The following ATM variants were observed in gnomAD, a reference collection of about 807,000 sequenced individuals.
ATM encodes serine-protein kinase ATM.
In ATM, 308 loss-of-function variants were observed where a neutral mutation model predicts 387.0. The observed-to-expected ratio is 0.80, with a 90% confidence interval of 0.73 to 0.87. ATM has a LOEUF of 0.87. Among genes scored for constraint, ATM ranks in the 40% least tolerant of loss-of-function variants. The probability of loss-of-function intolerance (pLI) is 0.00; values close to 1 mark genes in which losing one functional copy is unlikely to be tolerated. For missense variants in ATM, 3,312 were observed against 3,560.9 expected (o/e 0.93, Z 1.78); for synonymous variants, 1,156 against 1,187.3 (o/e 0.97, Z 0.54).
At chr11:108,299,122 C>A (rs146410741) in intron 33 of ATM, among the ~76,000 whole-genome samples, 4 of 152,226 alleles carry the variant, frequency 2.6e-5, no homozygotes, top group Admixed American at 1.3e-4. Context: ...TAAATACCAT[C>A]ATGATGGAAA....
At position 108,336,181 on chromosome 11, in the gene ATM, T is replaced by C. The variant is rs560309780; in HGVS notation, c.8268+220T>C. On this transcript the variant is annotated intron_variant, in intron 56 of 62. Transcript: ENST00000675843. ...AGCCAGAGATGATGGCATGTGCTTG[T>C]AGTCCCTTAGCTACATGGGAGGCTG... is the stretch of plus-strand genomic sequence containing the variant. The C allele has an allele frequency of 2.5e-4, 116 of 455,252 alleles. 1 individual carries two copies. The highest frequency in any genetic ancestry group is 2.4e-3 in the South Asian group (115 of 46,990). The allele number at this position is 455,252 out of a possible 1,614,324, so 28.2% of individuals were successfully genotyped here.
At chr11:108,282,665 A>G in intron 24 of ATM, 45 bp from the exon 25 acceptor site, 1 of 1,563,110 alleles carries the variant, frequency 6.4e-7, no homozygotes. Context: ...TAAATGATTT[A>G]TTTTTTTCAT....
rs56256497 is a variant in ATM, at chr11:108,333,973, T to A, written c.8010+5T>A. On this transcript the variant is annotated splice_donor_5th_base_variant and intron_variant, in intron 54 of 62. Transcript: ENST00000675843. ...GTCCCTACTATGGAAATTAAGGTAA[T>A]TTGCAATTAACTCTTGATTTTTTTT... The A allele has an allele frequency of 2.5e-6, 4 of 1,593,528 alleles. No homozygotes were observed. In the African/African-American group the frequency reaches 4.0e-5, roughly 16 times the overall value.
chr11:108,327,831 A>C, intron 48 of ATM, 73 bp downstream of exon 48: 1 of 1,141,218 alleles, frequency 8.8e-7, no homozygotes, highest in Non-Finnish European at 1.3e-6. Flanking sequence ...CAAGATCAAT[A>C]TATTTCCAAA....
At chr11:108,275,012 C>T (rs547370839) in intron 22 of ATM, among the ~76,000 whole-genome samples, 6 of 152,150 alleles carry the variant, frequency 3.9e-5, no homozygotes, top group South Asian at 2.1e-4. Context: ...TAAGTCTCTT[C>T]GTAGGTCTAA....
intron 61 of ATM, among the ~76,000 whole-genome samples, chr11:108,357,055 C>T (rs1030541950): frequency 2.0e-5 from 3 of 152,232 alleles, no homozygotes; most frequent in Admixed American, 1.3e-4. Flanking sequence ...CACTAGGGAG[C>T]GCCAGACAGT....
At chr11:108,245,653 A>G in intron 7 of ATM, among the ~76,000 whole-genome samples, 1 of 152,000 alleles carries the variant, frequency 6.6e-6, no homozygotes, top group South Asian at 2.1e-4. Context: ...TTCTGTAGTT[A>G]GGAACTTTAT....
rs369642243 is a variant in ATM at position 108,253,997 on chromosome 11, T to C, written c.2082T>C (p.Leu694=). The C allele has an allele frequency of 1.2e-5, 20 of 1,614,002 alleles. No homozygotes were observed. In the Admixed American group the frequency reaches 1.3e-4, roughly 11 times the overall value. ...TCAAGGAATCACTGGATCGCTGTCT[T>C]CTGGGATTATCAGAACAGCTTCTGA... ...QNLKESLDRC[L]LGLSEQLLNN... is the part of the protein sequence containing the mutation. The change falls in exon 13 of 63, where the codon CTT becomes CTC. Residue 694 remains leucine, a synonymous_variant. Coordinates refer to ENST00000675843, the MANE Select transcript of ATM (RefSeq NM_000051.4).
At chr11:108,267,037 C>G in intron 16 of ATM, 134 bp from the exon 17 acceptor site, 1 of 829,304 alleles carries the variant, frequency 1.2e-6, no homozygotes, top group Non-Finnish European at 2.0e-6. Flanking sequence ...CTCAGGTGAT[C>G]CACCTGGCTC....
At position 108,365,711 on chromosome 11, in the gene ATM, T is replaced by G. The variant is rs2091275853; in HGVS notation, c.*203T>G. On this transcript the variant is annotated 3_prime_UTR_variant, in exon 63 of 63. Coordinates refer to ENST00000675843, the MANE Select transcript of ATM (RefSeq NM_000051.4). ...TTAAGGAACATCTCTGCTTTCACTC[T>G]TTAGAAATAATGGTCATTCGGGCTG... The G allele has an allele frequency of 5.8e-6, 4 of 695,642 alleles. No individual in the cohort carries two copies. Among genetic ancestry groups the G allele is most frequent in the Non-Finnish European group, 9.3e-6 (4 of 430,504 alleles). 43.1% of individuals were successfully genotyped at this position (695,642 alleles called of 1,614,324 possible).
chr11:108,354,338 A>G (rs2089617874), intron 60 of ATM, among the ~76,000 whole-genome samples: 1 of 151,996 alleles, frequency 6.6e-6, no homozygotes, highest in Non-Finnish European at 1.5e-5. Context: ...AATGATCCAA[A>G]CTACTATTGG....
Position 108,331,781 on chromosome 11 carries a change from T to C in ATM, c.7630-98T>C, listed in dbSNP as rs2086270247. On this transcript the variant is annotated intron_variant, in intron 51 of 62. Transcript: ENST00000675843. ...CATACACGCTCTACCCACTGCAGTA[T>C]CTAGACAGTAATACACATTTTAATG... is the stretch of plus-strand genomic sequence containing the variant. The C allele has an allele frequency of 3.5e-6, 5 of 1,421,082 alleles. No individual in the cohort carries two copies. In the East Asian group the frequency reaches 1.2e-4, roughly 35 times the overall value. The allele number at this position is 1,421,082 out of a possible 1,614,324, so 88.0% of individuals were successfully genotyped here.
chr11:108,292,834 A>G, intron 30 of ATM, 41 bp downstream of exon 30: 1 of 1,596,032 alleles, frequency 6.3e-7, no homozygotes, highest in Non-Finnish European at 8.6e-7. Context: ...TTTAAAATAT[A>G]TAAAGTATTG....
intron 61 of ATM, among the ~76,000 whole-genome samples, chr11:108,363,964 T>G (rs1488479058): frequency 6.6e-6 from 1 of 152,214 alleles, no homozygotes; most frequent in African/African-American, 2.4e-5. Context: ...TTTGGATCTC[T>G]GAAATCTAAA....
rs750916886 is a variant in ATM at position 108,268,520 on chromosome 11, T to C, written c.2749T>C (p.Ser917Pro). The C allele has an allele frequency of 4.3e-6, 7 of 1,613,998 alleles. No homozygotes were observed. The highest frequency in any genetic ancestry group is 5.1e-6 in the Non-Finnish European group (6 of 1,179,998). The change falls in exon 18 of 63, where the codon TCC becomes CCC. Residue 917 changes from serine (S) to proline (P), a missense_variant. Ser to Pro is a moderately conservative substitution (Grantham distance 74). Transcript: ENST00000675843. ...CVTTAQTNTV[S>P]FRAADIRRKL... ...AACTACTGCTCAGACCAATACTGTG[T>C]CCTTTAGGGCAGCTGATATTCGGAG...
At chr11:108,331,339 C>T in intron 50 of ATM, 105 bp from the exon 51 acceptor site, 1 of 1,479,986 alleles carries the variant, frequency 6.8e-7, no homozygotes, top group Non-Finnish European at 9.0e-7. Context: ...TTGTTAACCA[C>T]TTGTGCTAAT....
In ATM at chr11:108,282,546, G is replaced by C. The variant is rs185603119; in HGVS notation, c.3577-164G>C. ...TTGCTATGTGTCAGATACTGTGCCA[G>C]TTGAGTACATTTTCTTAATTATTAT... On this transcript the variant is annotated intron_variant, in intron 24 of 62. Transcript: ENST00000675843. 2.6e-4 allele frequency among the ~76,000 whole-genome samples: 39 copies of C among 152,270 alleles called. No individual in the cohort carries two copies. The East Asian group carries it at 7.1e-3, about 28-fold the overall frequency.
At chr11:108,309,022 A>C in intron 38 of ATM, 1 of 1,528,132 alleles carries the variant, frequency 6.5e-7, no homozygotes, top group Non-Finnish European at 8.8e-7. Flanking sequence ...GAGAAGATAA[A>C]AATTCTTCAT....
At chr11:108,352,393 T>A (rs2089311308) in intron 59 of ATM, among the ~76,000 whole-genome samples, 5 of 152,102 alleles carry the variant, frequency 3.3e-5, no homozygotes, top group Admixed American at 3.3e-4. Flanking sequence ...AAATAAAAAA[T>A]TTCAACTGCA....
Sources: allele counts gnomAD v4.1 joint callset (sites outside exome capture counted in the v4.1 genomes callset), GRCh38; gene constraint gnomAD v4.1.1; transcripts MANE v1.5; gene names NCBI Gene and HGNC (gene_info 2026-07-23, HGNC 2026-07-21).